Variants in RIMS1 observed in about 807,000 individuals in gnomAD.
The protein encoded by RIMS1 is regulating synaptic membrane exocytosis protein 1.
A neutral mutation model predicts 214.1 loss-of-function variants in RIMS1; 83 were observed. The ratio of observed to expected loss-of-function variants is 0.39; its 90% CI spans 0.32 to 0.47. The LOEUF is 0.47. Ranked by LOEUF, RIMS1 falls within the 20% of genes least tolerant of loss-of-function variation. The probability of loss-of-function intolerance (pLI) is 0.99; values close to 1 mark genes in which losing one functional copy is unlikely to be tolerated. For missense variants in RIMS1, 2,050 were observed against 2,161.8 expected (o/e 0.95, Z 1.03); for synonymous variants, 793 against 786.8 (o/e 1.01, Z -0.13).
chr6:71,960,049 T>C (rs1186979532), intron 1 of RIMS1, among the ~76,000 whole-genome samples: 1 of 152,176 alleles, frequency 6.6e-6, no homozygotes, highest in Non-Finnish European at 1.5e-5. Context: ...TTTTGTTGTT[T>C]ATTGCTTTTC....
intron 22 of RIMS1, among the ~76,000 whole-genome samples, chr6:72,270,877 T>C (rs1191401821): frequency 3.9e-5 from 6 of 152,122 alleles, no homozygotes; most frequent in African/African-American, 1.4e-4. Context: ...TGAATGAATT[T>C]CCCTCAAAAT....
chr6:72,201,386 C>G (rs2051956556), intron 6 of RIMS1, among the ~76,000 whole-genome samples: 1 of 152,168 alleles, frequency 6.6e-6, no homozygotes, highest in South Asian at 2.1e-4. Context: ...TCAGTATCAC[C>G]TGTTTTATCT....
chr6:71,985,246 C>G (rs904893856), intron 2 of RIMS1, among the ~76,000 whole-genome samples: 1 of 151,992 alleles, frequency 6.6e-6, no homozygotes, highest in Non-Finnish European at 1.5e-5. Flanking sequence ...AAAACATTAG[C>G]CAGGCATGGT....
At chr6:72,300,345 T>C (rs1318760974) in intron 26 of RIMS1, among the ~76,000 whole-genome samples, 1 of 151,808 alleles carries the variant, frequency 6.6e-6, no homozygotes, top group African/African-American at 2.4e-5. Context: ...ACAGGCTCTT[T>C]GATGTATTTT....
intron 1 of RIMS1, among the ~76,000 whole-genome samples, chr6:71,915,431 T>G (rs1278718048): frequency 6.6e-6 from 1 of 152,190 alleles, no homozygotes; most frequent in Non-Finnish European, 1.5e-5. Flanking sequence ...TTGCTCTGTG[T>G]AGGTGGTCCA....
intron 15 of RIMS1, among the ~76,000 whole-genome samples, chr6:72,252,483 A>G (rs2073864907): frequency 1.3e-5 from 2 of 152,174 alleles, no homozygotes; most frequent in Non-Finnish European, 2.9e-5. Flanking sequence ...GAAGGCTTTT[A>G]GTATAATATT....
At chr6:72,343,562 C>T (rs753983705) in intron 29 of RIMS1, among the ~76,000 whole-genome samples, 3 of 134,252 alleles carry the variant, frequency 2.2e-5, no homozygotes, top group Non-Finnish European at 4.6e-5. Context: ...CTTCCTGCCT[C>T]AGCCTCCCAA....
rs569849351 is a variant in RIMS1 at position 71,988,205 on chromosome 6, C to G, written c.245+19142C>G. On this transcript the variant is annotated intron_variant, in intron 2 of 33. Coordinates refer to ENST00000521978, the MANE Select transcript of RIMS1 (RefSeq NM_014989.7). ...CTTTCAGTTGACATCAAGATTCATG[C>G]TAGCCTGCTTTCAGTAACCAATTTT... is the stretch of plus-strand genomic sequence containing the variant. Among the ~76,000 whole-genome samples the G allele has an allele frequency of 4.4e-4, 67 of 152,206 alleles. 2 individuals are homozygous for G. In the South Asian group the frequency reaches 0.014, roughly 31 times the overall value.
rs1564547208 is a variant in RIMS1, at chr6:72,364,566, C to CTTTGTAAGGCTAAACCACAT, written c.4367-26032_4367-26031insTTTGTAAGGCTAAACCACAT. ...ATATTGGCTAAACCACATAGTCCTC[C>CTTTGTAAGGCTAAACCACAT]AGCCTTACAAAGTAGAGTAAGCTTC... On this transcript the variant is annotated intron_variant, in intron 29 of 33. Transcript: ENST00000521978. Among the ~76,000 whole-genome samples, 5 of 152,278 alleles carry CTTTGTAAGGCTAAACCACAT rather than the reference C, an allele frequency of 3.3e-5. No homozygotes were observed. The East Asian group carries it at 7.7e-4, about 23-fold the overall frequency.
intron 29 of RIMS1, among the ~76,000 whole-genome samples, chr6:72,360,495 T>A (rs1413984245): frequency 6.6e-6 from 1 of 152,092 alleles, no homozygotes; most frequent in Non-Finnish European, 1.5e-5. Context: ...AATCTATCAT[T>A]TCCATTCCTC....
intron 1 of RIMS1, among the ~76,000 whole-genome samples, chr6:71,918,655 G>A (rs1779115559): frequency 1.3e-5 from 2 of 152,232 alleles, no homozygotes; most frequent in South Asian, 2.1e-4. Flanking sequence ...GGCCAATTAA[G>A]AGTTTAAAAG....
At position 71,973,688 on chromosome 6, in the gene RIMS1, A is replaced by T. The variant is rs114668273; in HGVS notation, c.245+4625A>T. 3.0e-3 allele frequency among the ~76,000 whole-genome samples: 454 copies of T among 152,292 alleles called. 1 individual carries two copies. The highest frequency in any genetic ancestry group is 0.01 in the African/African-American group (434 of 41,548). ...GGTTCAGGTGTGTCAGTCAAGTGAG[A>T]CACAGAGGAGGCAACACAATAAAAC... On this transcript the variant is annotated intron_variant, in intron 2 of 33. Transcript: ENST00000521978.
intron 1 of RIMS1, among the ~76,000 whole-genome samples, chr6:71,896,641 CT>C (rs2150399929): frequency 6.6e-6 from 1 of 152,208 alleles, no homozygotes; most frequent in East Asian, 1.9e-4. Flanking sequence ...GACATACGCA[CT>C]TTGGGAAAAG....
chr6:72,205,920 G>A (rs569233414), intron 6 of RIMS1, among the ~76,000 whole-genome samples: 1 of 152,072 alleles, frequency 6.6e-6, no homozygotes, highest in Non-Finnish European at 1.5e-5. Flanking sequence ...ATATATTTGT[G>A]ATACTTGAGG....
chr6:72,051,021 A>G (rs1824491872), intron 2 of RIMS1, among the ~76,000 whole-genome samples: 1 of 152,214 alleles, frequency 6.6e-6, no homozygotes, highest in South Asian at 2.1e-4. Context: ...TCCAGTGTGA[A>G]TTATCAAATT....
intron 6 of RIMS1, chr6:72,212,919 A>G (rs1418422805): frequency 4.4e-6 from 6 of 1,354,124 alleles, no homozygotes; most frequent in South Asian, 1.8e-5. Flanking sequence ...GACCTGAGTC[A>G]GTCATGCAAG....
intron 1 of RIMS1, among the ~76,000 whole-genome samples, chr6:71,934,105 G>A (rs1341999648): frequency 6.6e-6 from 1 of 152,140 alleles, no homozygotes; most frequent in Admixed American, 6.5e-5. Context: ...CGGGATGTGG[G>A]AGTAAAAGGG....
At chr6:72,214,225 C>T (rs1199204263) in intron 6 of RIMS1, among the ~76,000 whole-genome samples, 2 of 152,076 alleles carry the variant, frequency 1.3e-5, no homozygotes, top group Non-Finnish European at 2.9e-5. Flanking sequence ...GATTAATAAA[C>T]CCTGTTTAGT....
At chr6:71,971,675 G>C (rs1031410333) in intron 2 of RIMS1, among the ~76,000 whole-genome samples, 1 of 152,128 alleles carries the variant, frequency 6.6e-6, no homozygotes, top group African/African-American at 2.4e-5. Context: ...TCACAATCAT[G>C]CTGGAAGGTG....
Sources: allele counts gnomAD v4.1 joint callset (sites outside exome capture counted in the v4.1 genomes callset), GRCh38; gene constraint gnomAD v4.1.1; transcripts MANE v1.5; gene names NCBI Gene and HGNC (gene_info 2026-07-23, HGNC 2026-07-21).